Variants in PLEKHG1 observed in about 807,000 individuals in gnomAD.
PLEKHG1 encodes pleckstrin homology domain-containing family G member 1.
In PLEKHG1, 44 loss-of-function variants were observed where a neutral mutation model predicts 100.8. The ratio of observed to expected loss-of-function variants is 0.44; its 90% confidence interval spans 0.34 to 0.56. PLEKHG1 has a LOEUF of 0.56. Ranked by LOEUF, PLEKHG1 falls within the 20% of genes least tolerant of loss-of-function variation. The pLI is 0.01. For missense variants in PLEKHG1, 1,545 were observed against 1,720.9 expected (o/e 0.90, Z 1.81); for synonymous variants, 640 against 662.5 (o/e 0.97, Z 0.52).
intron 3 of PLEKHG1, among the ~76,000 whole-genome samples, chr6:150,674,361 G>C (rs903883564): frequency 6.6e-6 from 1 of 152,100 alleles, no homozygotes; most frequent in Non-Finnish European, 1.5e-5. Flanking sequence ...ATCTCTTAAG[G>C]AATTTGGATA....
intron 3 of PLEKHG1, among the ~76,000 whole-genome samples, chr6:150,703,732 T>G (rs1399006079): frequency 6.6e-6 from 1 of 152,208 alleles, no homozygotes; most frequent in East Asian, 1.9e-4. Flanking sequence ...GGAACATTCT[T>G]GTGTCACAGC....
chr6:150,804,175 A>ATATATATATATATATTTATT (rs1173213745), intron 6 of PLEKHG1, among the ~76,000 whole-genome samples: 1 of 43,176 alleles, frequency 2.3e-5, no homozygotes, highest in African/African-American at 9.9e-5. Context: ...ATATATATAT[A>ATATATATATATATATTTATT]TTTTTTTTTT....
At chr6:150,840,997 G>A (rs769719707) in exon 16 of PLEKHG1, 4 of 916,174 alleles carry the variant, frequency 4.4e-6, no homozygotes, top group East Asian at 2.5e-5. Flanking sequence ...AAACAATTTT[G>A]TAAGAACCAG....
chr6:150,615,162 T>G (rs1777013689), intron 1 of PLEKHG1, among the ~76,000 whole-genome samples: 1 of 152,236 alleles, frequency 6.6e-6, no homozygotes, highest in Admixed American at 6.5e-5. Context: ...CTCTCTGGCA[T>G]TCATCTGATG....
At chr6:150,705,460 T>C (rs1330295388) in intron 3 of PLEKHG1, among the ~76,000 whole-genome samples, 1 of 152,246 alleles carries the variant, frequency 6.6e-6, no homozygotes, top group Non-Finnish European at 1.5e-5. Flanking sequence ...GGGGACCGCC[T>C]GTCCCACTCA....
At chr6:150,788,766 C>T (rs1785781733) in intron 4 of PLEKHG1, among the ~76,000 whole-genome samples, 1 of 152,166 alleles carries the variant, frequency 6.6e-6, no homozygotes, top group African/African-American at 2.4e-5. Context: ...TCTTTAGAGC[C>T]TCAACCTCCC....
intron 2 of PLEKHG1, among the ~76,000 whole-genome samples, chr6:150,736,737 C>G (rs569042738): frequency 6.6e-6 from 1 of 152,098 alleles, no homozygotes; most frequent in East Asian, 1.9e-4. Context: ...CCGCTGCACT[C>G]CAGCCTGGGT....
intron 1 of PLEKHG1, among the ~76,000 whole-genome samples, chr6:150,723,935 A>T (rs545875043): frequency 2.0e-5 from 3 of 152,332 alleles, no homozygotes; most frequent in South Asian, 2.1e-4. Context: ...CACATGTCCA[A>T]TGTCTTGGCT....
chr6:150,719,466 G>A (rs1332402732), upstream of PLEKHG1, among the ~76,000 whole-genome samples: 1 of 152,156 alleles, frequency 6.6e-6, no homozygotes, highest in African/African-American at 2.4e-5. Context: ...TCAAATCTAT[G>A]GTATAGGAAG....
intron 1 of PLEKHG1, among the ~76,000 whole-genome samples, chr6:150,631,802 G>A (rs905759357): frequency 1.3e-5 from 2 of 152,200 alleles, no homozygotes; most frequent in African/African-American, 4.8e-5. Context: ...AGCTGGGGGA[G>A]GAGAAGAGGA....
intron 7 of PLEKHG1, among the ~76,000 whole-genome samples, chr6:150,808,342 G>A (rs1787266748): frequency 6.6e-6 from 1 of 152,124 alleles, no homozygotes; most frequent in South Asian, 2.1e-4. Context: ...TTTTATATAG[G>A]CTTTAGTTTT....
intron 3 of PLEKHG1, among the ~76,000 whole-genome samples, chr6:150,703,251 A>T (rs1241791085): frequency 6.6e-6 from 1 of 152,140 alleles, no homozygotes; most frequent in Non-Finnish European, 1.5e-5. Flanking sequence ...ATTGCCCATC[A>T]AGGGTTCTTA....
At chr6:150,700,000 A>C (rs555620090) in intron 3 of PLEKHG1, among the ~76,000 whole-genome samples, 3 of 152,296 alleles carry the variant, frequency 2.0e-5, no homozygotes, top group Admixed American at 1.3e-4. Flanking sequence ...TCATAGTGAG[A>C]CTAATGTTTA....
chr6:150,621,987 G>T (rs1362278338), intron 1 of PLEKHG1, among the ~76,000 whole-genome samples: 2 of 152,194 alleles, frequency 1.3e-5, no homozygotes, highest in Non-Finnish European at 2.9e-5. Flanking sequence ...GGTAAGAGAT[G>T]CACATTTGAA....
At chr6:150,840,460 C>G (rs750513280) in exon 16 of PLEKHG1, 12 of 1,614,088 alleles carry the variant, frequency 7.4e-6, no homozygotes, top group Non-Finnish European at 9.3e-6. Context: ...TCAGATCTCA[C>G]ACTCCAAGAC....
chr6:150,753,405 T>C (rs559502825), intron 2 of PLEKHG1, among the ~76,000 whole-genome samples: 4 of 152,282 alleles, frequency 2.6e-5, no homozygotes, highest in Admixed American at 6.5e-5. Context: ...ATGTTACAAG[T>C]GTCCCTTCAG....
At position 150,735,493 on chromosome 6, in the gene PLEKHG1, G is replaced by A. The variant is rs146516327; in HGVS notation, c.411+1401G>A. 6.7e-3 allele frequency among the ~76,000 whole-genome samples: 1,024 copies of A among 152,234 alleles called. 16 individuals are homozygous for A. The highest frequency in any genetic ancestry group is 0.023 in the African/African-American group (954 of 41,520). The stretch of plus-strand genomic sequence containing the variant: ...AAAAAGAATTCTAAAGCATGACTAC[G>A]TGTGATCCGCAAATGATAGAACCAG... On this transcript the variant is annotated intron_variant, in intron 2 of 15. Transcript: ENST00000358517.
intron 4 of PLEKHG1, among the ~76,000 whole-genome samples, chr6:150,787,056 A>G (rs1489246056): frequency 2.7e-5 from 4 of 150,572 alleles, no homozygotes; most frequent in African/African-American, 4.9e-5. Context: ...AAAAAAGAAG[A>G]TGAATGTTAG....
rs1247292817 is a variant in PLEKHG1 at position 150,771,980 on chromosome 6, A to AT, written c.512+3245dup. Among the ~76,000 whole-genome samples, 8 of 152,256 alleles carry AT rather than the reference A, an allele frequency of 5.3e-5. No homozygotes were observed. The East Asian group carries it at 1.5e-3, about 29-fold the overall frequency. On this transcript the variant is annotated intron_variant, in intron 3 of 15. Coordinates refer to ENST00000358517, the Ensembl canonical transcript of PLEKHG1. ...TTCTTTGTGTCTTATTTGCTTTAACATTTGTTTGAAGCATAAAGATATTAT... is the reference window on the plus strand; with the variant it reads ...TTCTTTGTGTCTTATTTGCTTTAACATTTTGTTTGAAGCATAAAGATATTAT...
Sources: allele counts gnomAD v4.1 joint callset (sites outside exome capture counted in the v4.1 genomes callset), GRCh38; gene constraint gnomAD v4.1.1; transcripts MANE v1.5; gene names NCBI Gene and HGNC (gene_info 2026-07-23, HGNC 2026-07-21).